The following PCCB variants were observed in gnomAD, a reference collection of about 807,000 sequenced individuals.
PCCB encodes propionyl-CoA carboxylase beta chain, mitochondrial.
Under a neutral mutation model 60.7 loss-of-function variants are expected in PCCB, and 43 were observed. That is an observed-to-expected ratio of 0.71 (90% CI 0.55 to 0.91). PCCB has a LOEUF of 0.91. Ranked by LOEUF, PCCB falls within the 40% of genes least tolerant of loss-of-function variation. PCCB has a pLI of 0.00. For missense variants in PCCB, 766 were observed against 702.8 expected (o/e 1.09, Z -1.02); for synonymous variants, 276 against 255.9 (o/e 1.08, Z -0.75).
intron 10 of PCCB, among the ~76,000 whole-genome samples, chr3:136,324,985 C>G (rs1364311182): frequency 6.6e-6 from 1 of 151,884 alleles, no homozygotes; most frequent in Non-Finnish European, 1.5e-5. Flanking sequence ...CTCCTTCTCC[C>G]AGGTTCAAGC....
At chr3:136,275,407 T>C (rs568790155) in intron 5 of PCCB, among the ~76,000 whole-genome samples, 2 of 152,286 alleles carry the variant, frequency 1.3e-5, no homozygotes, top group South Asian at 4.1e-4. Context: ...ATAATCAACC[T>C]ACTGAATTAT....
intron 7 of PCCB, among the ~76,000 whole-genome samples, chr3:136,294,729 C>A (rs1369108061): frequency 6.6e-6 from 1 of 152,116 alleles, no homozygotes; most frequent in East Asian, 1.9e-4. Context: ...TCTGCCTCAG[C>A]CTCTCTAGTA....
chr3:136,291,248 C>T (rs546047718), intron 6 of PCCB, among the ~76,000 whole-genome samples: 1 of 152,254 alleles, frequency 6.6e-6, no homozygotes, highest in Non-Finnish European at 1.5e-5. Context: ...CCCAAGACTA[C>T]AGACACATGC....
At chr3:136,256,649 A>G (rs1167927906) in intron 3 of PCCB, 26 bp downstream of exon 3, 1 of 1,519,570 alleles carries the variant, frequency 6.6e-7, no homozygotes, top group Non-Finnish European at 9.1e-7. Context: ...AATAGTCTGA[A>G]CTTTTCTTGG....
chr3:136,270,516 T>TC (rs71157369), intron 5 of PCCB, among the ~76,000 whole-genome samples: 1,571 of 151,366 alleles, frequency 0.01, 13 homozygotes, highest in Non-Finnish European at 0.015. Flanking sequence ...TTTTTTTTTT[T>TC]CCCGCTGTAG....
rs1304714042 is a variant in PCCB, at chr3:136,262,016, G to A, written c.494G>A (p.Arg165Gln). Residue 165 changes from arginine to glutamine, a missense_variant, in exon 5 of 15, where the codon CGG (arginine) becomes CAG (glutamine). Physicochemically the swap from Arg to Gln is conservative, Grantham distance 43. Transcript: ENST00000251654. The stretch of plus-strand genomic sequence containing the variant: ...GGGCTGAATGACTCTGGGGGAGCAC[G>A]GATCCAAGAAGGAGTGGAGTCTTTG... ...VIGLNDSGGARIQEGVESLAG... is the reference protein window; with the variant it reads ...VIGLNDSGGAQIQEGVESLAG... The A allele has an allele frequency of 3.2e-6, 5 of 1,560,808 alleles. No individual in the cohort carries two copies. The highest frequency in any genetic ancestry group is 1.2e-5 in the South Asian group (1 of 84,752).
chr3:136,252,197 A>G, intron 1 of PCCB: 1 of 445,812 alleles, frequency 2.2e-6, no homozygotes, highest in Non-Finnish European at 4.5e-6. Flanking sequence ...CCCCTTTTAA[A>G]ACAATTTTTG....
At chr3:136,291,879 A>G (rs1167586689) in intron 6 of PCCB, among the ~76,000 whole-genome samples, 2 of 152,204 alleles carry the variant, frequency 1.3e-5, no homozygotes, top group African/African-American at 4.8e-5. Flanking sequence ...TAAAACTCAC[A>G]AAAGTGTGGG....
At chr3:136,282,619 G>A (rs1480845353) in intron 5 of PCCB, among the ~76,000 whole-genome samples, 1 of 152,122 alleles carries the variant, frequency 6.6e-6, no homozygotes, top group Non-Finnish European at 1.5e-5. Context: ...TTATTGTTAT[G>A]TAATACTCAA....
At chr3:136,307,778 C>T (rs1039238085) in intron 9 of PCCB, among the ~76,000 whole-genome samples, 1 of 151,900 alleles carries the variant, frequency 6.6e-6, no homozygotes, top group Admixed American at 6.6e-5. Flanking sequence ...AAGTTTGAGA[C>T]CAGCCTGACC....
intron 5 of PCCB, among the ~76,000 whole-genome samples, chr3:136,279,746 C>G (rs1167839904): frequency 6.6e-6 from 1 of 152,118 alleles, no homozygotes; most frequent in African/African-American, 2.4e-5. Context: ...CGACTCACTG[C>G]AAGCTCCGCC....
intron 5 of PCCB, among the ~76,000 whole-genome samples, chr3:136,264,440 G>GTATATATATATA (rs370057075): frequency 8.1e-6 from 1 of 123,782 alleles, no homozygotes; most frequent in African/African-American, 3.0e-5. Context: ...ATGTGTGTGT[G>GTATATATATATA]TATATATGTA....
At chr3:136,278,203 A>G (rs930203252) in intron 5 of PCCB, among the ~76,000 whole-genome samples, 16 of 152,110 alleles carry the variant, frequency 1.1e-4, no homozygotes, top group African/African-American at 3.9e-4. Context: ...GCCCTGGGTA[A>G]GGTTAAGGCC....
intron 2 of PCCB, 188 bp from the exon 3 acceptor site, chr3:136,256,367 G>A: frequency 4.7e-6 from 3 of 632,076 alleles, no homozygotes; most frequent in Non-Finnish European, 5.7e-6. Flanking sequence ...TCCTATTGAT[G>A]AAGTAGTAGC....
At chr3:136,265,198 A>C (rs1941954720) in intron 5 of PCCB, among the ~76,000 whole-genome samples, 1 of 152,254 alleles carries the variant, frequency 6.6e-6, no homozygotes, top group South Asian at 2.1e-4. Context: ...ATCTCAAAAA[A>C]GAAAAGTAGC....
intron 5 of PCCB, among the ~76,000 whole-genome samples, chr3:136,270,921 C>T (rs1376041406): frequency 1.3e-5 from 2 of 152,084 alleles, no homozygotes; most frequent in African/African-American, 4.8e-5. Flanking sequence ...GTTTGTTGGC[C>T]ATTTGTATAT....
intron 10 of PCCB, 148 bp downstream of exon 10, chr3:136,317,212 ATTTTTTTTTTTTTTTTTT>A (rs397694948): frequency 1.2e-5 from 3 of 259,650 alleles, no homozygotes; most frequent in Non-Finnish European, 1.9e-5. Flanking sequence ...ATAAAAGCTA[ATTTTTTTTTTTTTTTTTT>A]TTTTTTTTTT....
intron 14 of PCCB, 64 bp downstream of exon 14, chr3:136,328,921 C>T (rs1361190692): frequency 8.5e-6 from 11 of 1,295,584 alleles, no homozygotes; most frequent in Admixed American, 5.1e-5. Context: ...TCTTTCTCTA[C>T]AGAAATTGTC....
chr3:136,298,147 G>C (rs1423695946), intron 8 of PCCB, 75 bp downstream of exon 8: 2 of 1,596,636 alleles, frequency 1.3e-6, no homozygotes, highest in African/African-American at 1.3e-5. Flanking sequence ...AGGACCCCCA[G>C]GGTCTGCCTT....
Sources: allele counts gnomAD v4.1 joint callset (sites outside exome capture counted in the v4.1 genomes callset), GRCh38; gene constraint gnomAD v4.1.1; transcripts MANE v1.5; gene names NCBI Gene and HGNC (gene_info 2026-07-23, HGNC 2026-07-21).